Variants in KLHL35 observed in about 807,000 individuals in gnomAD.
The protein encoded by KLHL35 is kelch-like protein 35.
In KLHL35, 50 loss-of-function variants were observed where a neutral mutation model predicts 44.0. That is an observed-to-expected ratio of 1.14 (90% CI 0.91 to 1.44). The LOEUF (loss-of-function observed/expected upper bound fraction) is 1.44. Among genes scored for constraint, KLHL35 ranks in the 40% most tolerant of loss-of-function variants. The pLI, the probability that KLHL35 is intolerant of heterozygous loss-of-function variation, is 0.00. For missense variants in KLHL35, 1,049 were observed against 887.8 expected (o/e 1.18, Z -2.31); for synonymous variants, 470 against 410.4 (o/e 1.15, Z -1.76).
At chr11:75,424,087 C>T (rs1948472133) in intron 5 of KLHL35, 5 of 545,312 alleles carry the variant, frequency 9.2e-6, no homozygotes, top group Admixed American at 6.7e-5. Context: ...TATGTTCTGT[C>T]CTCTGCCTCT....
rs1592039992 is a variant in KLHL35 at position 75,430,089 on chromosome 11, C to G, written c.541G>C (p.Ala181Pro). Residue 181 changes from alanine to proline, a missense_variant, in exon 2 of 7, where the codon GCC becomes CCC. By Grantham distance (27) the Ala-to-Pro change is conservative. Transcript: ENST00000539798. ...AERCGRVLRQ[A>P]FAEVARHADF... ...GCGTGGCGCGCCACCTCGGCGAAGG[C>G]CTGACGCAGGACGCGGCCGCAGCGC... 14 of 1,358,276 alleles carry G rather than the reference C, an allele frequency of 1.0e-5. No homozygotes were observed. The East Asian group carries it at 4.5e-4, about 44-fold the overall frequency. 84.1% of individuals were successfully genotyped at this position (1,358,276 alleles called of 1,614,324 possible).
chr11:75,423,893 A>G lies in KLHL35; in HGVS notation c.1375-13T>C, dbSNP rs777085727. 5.0e-6 allele frequency: 8 copies of G among 1,604,080 alleles called. No homozygotes were observed. The highest frequency in any genetic ancestry group is 3.4e-5 in the Admixed American group (2 of 59,114). On this transcript the variant is annotated splice_polypyrimidine_tract_variant and intron_variant, in intron 5 of 6. Coordinates refer to ENST00000539798, the MANE Select transcript of KLHL35 (RefSeq NM_001039548.3). ...CAAAGCACTGCACCTGAGGGGCAAG[A>G]GCAGCAGTGGTGAAGACTCACCGCC... is the stretch of plus-strand genomic sequence containing the variant.
chr11:75,431,255 A>G (rs373178257), intron 1 of KLHL35, among the ~76,000 whole-genome samples: 1 of 152,308 alleles, frequency 6.6e-6, no homozygotes, highest in South Asian at 2.1e-4. Context: ...CTGGACACTG[A>G]CCACACCCTG....
At chr11:75,432,758 C>A (rs575923022) in intron 1 of KLHL35, among the ~76,000 whole-genome samples, 1 of 152,246 alleles carries the variant, frequency 6.6e-6, no homozygotes, top group South Asian at 2.1e-4. Context: ...CAAACGACAC[C>A]CAGTTGGAAC....
chr11:75,425,677 ATCCC>A, intron 4 of KLHL35, 96 bp from the exon 5 acceptor site: 1 of 1,144,344 alleles, frequency 8.7e-7, no homozygotes, highest in Non-Finnish European at 1.2e-6. Context: ...GCTGGAAACT[ATCCC>A]TGTCCCCAAC....
intron 6 of KLHL35, chr11:75,423,130 G>T: frequency 4.4e-6 from 1 of 225,600 alleles, no homozygotes; most frequent in Non-Finnish European, 8.8e-6. Context: ...CTCGACTGCC[G>T]CCATCTTAGA....
chr11:75,428,817 G>A (rs1948511777), intron 2 of KLHL35, among the ~76,000 whole-genome samples, 191 bp from the exon 3 acceptor site: 1 of 151,716 alleles, frequency 6.6e-6, no homozygotes, highest in African/African-American at 2.4e-5. Flanking sequence ...ACTGGGAAGA[G>A]AATCGCTAAT....
In KLHL35 at chr11:75,423,717, TCCCCCCACACA is replaced by T; in HGVS notation, c.1527_1537del (p.Asp509GlufsTer18). 6.2e-7 allele frequency: 1 copy of T among 1,613,402 alleles called. No individual in the cohort carries two copies. The highest frequency in any genetic ancestry group is 8.5e-7 in the Non-Finnish European group (1 of 1,179,716). On this transcript the variant is annotated frameshift_variant, in exon 6 of 7. Coordinates refer to ENST00000539798, the MANE Select transcript of KLHL35 (RefSeq NM_001039548.3). LOFTEE classifies it high-confidence loss of function. ...CACAGGGCTGGGGAGGACAGCTGCC[TCCCCCCACACA>T]TCTGTGCCTGGATCATAGGTGAAGA...
chr11:75,425,815 C>T, intron 4 of KLHL35: 1 of 413,192 alleles, frequency 2.4e-6, no homozygotes, highest in Non-Finnish European at 4.3e-6. Context: ...CCTTAACCTG[C>T]ATGGTTACAG....
chr11:75,432,036 G>A (rs1355478374), intron 1 of KLHL35, among the ~76,000 whole-genome samples: 1 of 152,202 alleles, frequency 6.6e-6, no homozygotes, highest in Non-Finnish European at 1.5e-5. Flanking sequence ...AGGGGTGTTT[G>A]TGAAGGCGCT....
At chr11:75,432,767 A>G (rs1307226619) in intron 1 of KLHL35, among the ~76,000 whole-genome samples, 1 of 152,148 alleles carries the variant, frequency 6.6e-6, no homozygotes, top group Non-Finnish European at 1.5e-5. Flanking sequence ...CCCAGTTGGA[A>G]CACAGAAGGT....
chr11:75,427,563 A>G (rs535254599), intron 3 of KLHL35, among the ~76,000 whole-genome samples: 1 of 152,268 alleles, frequency 6.6e-6, no homozygotes, highest in East Asian at 1.9e-4. Context: ...TGTGGCCTGG[A>G]TGGTCTGTGA....
In KLHL35 at chr11:75,423,764, G is replaced by T; in HGVS notation, c.1491C>A (p.Leu497=). ...LEDTIYVMGG[L]MSKIFTYDPG... Reference sequence around the variant, plus strand: ...GATCATAGGTGAAGATTTTGCTCATGAGACCCCCCATGACATAGATGGTGT... The same window carrying T: ...GATCATAGGTGAAGATTTTGCTCATTAGACCCCCCATGACATAGATGGTGT... The change falls in exon 6 of 7, where the codon CTC becomes CTA. Residue 497 remains leucine (L), a synonymous_variant. Transcript: ENST00000539798. The T allele has an allele frequency of 6.2e-7, 1 of 1,613,866 alleles. No homozygotes were observed. The highest frequency in any genetic ancestry group is 8.5e-7 in the Non-Finnish European group (1 of 1,179,842).
chr11:75,429,042 G>A (rs1218108733), intron 2 of KLHL35, among the ~76,000 whole-genome samples: 2 of 152,182 alleles, frequency 1.3e-5, no homozygotes, highest in Non-Finnish European at 2.9e-5. Context: ...AGGTTTGTCT[G>A]TCGCTAACTC....
rs182870743 is a variant in KLHL35, at chr11:75,429,532, G to T, written c.881+217C>A. Among the ~76,000 whole-genome samples, 6 of 152,338 alleles carry T rather than the reference G, an allele frequency of 3.9e-5. No homozygotes were observed. The South Asian group carries it at 1.2e-3, about 32-fold the overall frequency. On this transcript the variant is annotated intron_variant, in intron 2 of 6. Transcript: ENST00000539798. ...AAGTACTCGGAATTACGGTTGCATG[G>T]GCCAAAGAGAGTGTGCGCAGCTGTG...
At chr11:75,423,908 G>C in intron 5 of KLHL35, 28 bp from the exon 6 acceptor site, 1 of 1,544,010 alleles carries the variant, frequency 6.5e-7, no homozygotes, top group Non-Finnish European at 8.8e-7. Flanking sequence ...CAGTGGTGAA[G>C]ACTCACCGCC....
Position 75,423,710 on chromosome 11 carries a change from A to G in KLHL35, c.1545T>C (p.Ala515=). Residue 515 remains alanine (A), a synonymous_variant, in exon 6 of 7, where the codon GCT becomes GCC. Coordinates refer to ENST00000539798, the MANE Select transcript of KLHL35 (RefSeq NM_001039548.3). Reference sequence around the variant, plus strand: ...CACTTACCACAGGGCTGGGGAGGACAGCTGCCTCCCCCCACACATCTGTGC... The same window carrying G: ...CACTTACCACAGGGCTGGGGAGGACGGCTGCCTCCCCCCACACATCTGTGC... ...DPGTDVWGEA[A]VLPSPVESCG... The G allele has an allele frequency of 6.2e-7, 1 of 1,613,728 alleles. No homozygotes were observed. The highest frequency in any genetic ancestry group is 8.5e-7 in the Non-Finnish European group (1 of 1,179,776).
chr11:75,430,815 C>T (rs1448283976), intron 1 of KLHL35, among the ~76,000 whole-genome samples, 185 bp from the exon 2 acceptor site: 1 of 152,254 alleles, frequency 6.6e-6, no homozygotes, highest in Non-Finnish European at 1.5e-5. Context: ...ACATTCTGCC[C>T]TGCCTACCCA....
chr11:75,428,302 C>T (rs1383060897), intron 3 of KLHL35, 140 bp downstream of exon 3: 2 of 942,902 alleles, frequency 2.1e-6, no homozygotes, highest in East Asian at 2.7e-5. Context: ...GTAGTTAGCC[C>T]TGCTCACTTC....
Sources: gnomAD v4.1 joint callset for allele counts (sites outside exome capture counted in the v4.1 genomes callset) on GRCh38, gnomAD v4.1.1 for gene constraint, MANE v1.5 for transcripts, NCBI Gene and HGNC (gene_info 2026-07-23, HGNC 2026-07-21) for gene names.